Variants in DNM3 observed in about 807,000 individuals in gnomAD.
The protein encoded by DNM3 is dynamin-3.
DNM3 carries 47 observed loss-of-function variants against 101.6 expected under a neutral mutation model. The ratio of observed to expected loss-of-function variants is 0.46; its 90% CI spans 0.37 to 0.59. The LOEUF (loss-of-function observed/expected upper bound fraction) is 0.59. Among genes scored for constraint, DNM3 ranks in the 20% least tolerant of loss-of-function variants. The pLI, the probability that DNM3 is intolerant of heterozygous loss-of-function variation, is 0.00. For missense variants in DNM3, 849 were observed against 1,085.7 expected (o/e 0.78, Z 3.06); for synonymous variants, 385 against 387.9 (o/e 0.99, Z 0.09).
At chr1:172,244,388 A>G (rs1239627170) in intron 14 of DNM3, among the ~76,000 whole-genome samples, 1 of 152,144 alleles carries the variant, frequency 6.6e-6, no homozygotes, top group Non-Finnish European at 1.5e-5. Context: ...TCTGCACAGC[A>G]AAAGAAACTA....
At chr1:172,344,141 G>A (rs2066823081) in intron 17 of DNM3, among the ~76,000 whole-genome samples, 1 of 152,108 alleles carries the variant, frequency 6.6e-6, no homozygotes, top group Non-Finnish European at 1.5e-5. Context: ...CAACAGCCCG[G>A]CCAGGCAAGA....
At position 172,409,814 on chromosome 1, in the gene DNM3, G is replaced by T. The variant is rs1484810969; in HGVS notation, c.*1973G>T. The T allele has an allele frequency of 1.0e-6, 1 of 985,476 alleles. No individual in the cohort carries two copies. The highest frequency in any genetic ancestry group is 1.1e-4 in the East Asian group (1 of 8,820). The allele number at this position is 985,476 out of a possible 1,614,324, so 61.0% of individuals were successfully genotyped here. On this transcript the variant is annotated 3_prime_UTR_variant, in exon 21 of 21. Transcript: ENST00000627582. Reference sequence around the variant, plus strand: ...GGCAGCTAACGGATTATATACTTCAGGGTTTGGCTTTGTGCTAAATGTGGT... The same window carrying T: ...GGCAGCTAACGGATTATATACTTCATGGTTTGGCTTTGTGCTAAATGTGGT...
At chr1:172,337,929 A>ATTTTATTTTATTTTATTTTATTTTATTT (rs2066519658) in intron 17 of DNM3, among the ~76,000 whole-genome samples, 2 of 66,982 alleles carry the variant, frequency 3.0e-5, no homozygotes, top group African/African-American at 4.5e-5. Flanking sequence ...TTATTTTATT[A>ATTTTATTTTATTTTATTTTATTTTATTT]TTTTGAGACA....
At chr1:172,298,215 C>T (rs1018867227) in intron 15 of DNM3, among the ~76,000 whole-genome samples, 3 of 152,128 alleles carry the variant, frequency 2.0e-5, no homozygotes, top group African/African-American at 7.2e-5. Context: ...CATTGATGGA[C>T]TGCTGTGATT....
rs1012321982 is a variant in DNM3 at position 172,220,975 on chromosome 1, A to G, written c.1660-32598A>G. On this transcript the variant is annotated intron_variant, in intron 14 of 20. Transcript: ENST00000627582. The stretch of plus-strand genomic sequence containing the variant: ...ACATTAGAAAGAACTAAGGTTTAGG[A>G]AGATTTGGGATTACGTGAGAGTTGC... 3.3e-5 allele frequency among the ~76,000 whole-genome samples: 5 copies of G among 152,136 alleles called. No homozygotes were observed. In the East Asian group the frequency reaches 5.8e-4, roughly 18 times the overall value.
At position 172,281,227 on chromosome 1, in the gene DNM3, TAC is replaced by T. The variant is rs1278177766; in HGVS notation, c.1770-27499_1770-27498del. Reference sequence around the variant, plus strand: ...GAGAAGGATATACTACTTAATGAAATACAGAGTGGATTGAAAGGAGGTAAGGT... The same window carrying T: ...GAGAAGGATATACTACTTAATGAAATAGAGTGGATTGAAAGGAGGTAAGGT... On this transcript the variant is annotated intron_variant, in intron 15 of 20. Transcript: ENST00000627582. Among the ~76,000 whole-genome samples the T allele has an allele frequency of 2.6e-4, 39 of 152,140 alleles. No homozygotes were observed. The East Asian group carries it at 6.6e-3, about 26-fold the overall frequency.
intron 4 of DNM3, among the ~76,000 whole-genome samples, chr1:172,000,569 A>G (rs1325875990): frequency 1.3e-5 from 2 of 152,094 alleles, no homozygotes; most frequent in Non-Finnish European, 2.9e-5. Context: ...CTTTCCATCC[A>G]CTGCTGGAAG....
At chr1:172,075,694 C>T (rs988251877) in intron 11 of DNM3, among the ~76,000 whole-genome samples, 1 of 152,124 alleles carries the variant, frequency 6.6e-6, no homozygotes, top group African/African-American at 2.4e-5. Flanking sequence ...GGTACCAGTA[C>T]CATGCTGTTG....
rs75512285 is a variant in DNM3, at chr1:172,312,194, T to C, written c.1881+3355T>C. Among the ~76,000 whole-genome samples the C allele has an allele frequency of 8.0e-3, 1,223 of 152,282 alleles. 15 individuals carry two copies. The highest frequency in any genetic ancestry group is 0.027 in the African/African-American group (1,133 of 41,556). ...TAACAGATGCCTCCGTCTGTGTAAA[T>C]TTTTAGAATGTCTAAGTAGTGTGAT... On this transcript the variant is annotated intron_variant, in intron 16 of 20. Transcript: ENST00000627582.
intron 1 of DNM3, among the ~76,000 whole-genome samples, chr1:171,863,201 A>G (rs2034363299): frequency 6.6e-6 from 1 of 152,146 alleles, no homozygotes; most frequent in Non-Finnish European, 1.5e-5. Flanking sequence ...GACAAAGTAC[A>G]GAAAAGCAGA....
At chr1:172,095,488 A>G (rs1347447860) in intron 13 of DNM3, among the ~76,000 whole-genome samples, 1 of 152,216 alleles carries the variant, frequency 6.6e-6, no homozygotes, top group Admixed American at 6.5e-5. Context: ...ACTTAGCAGA[A>G]ATAAACCATA....
chr1:172,317,741 T>TA (rs1471990486), intron 16 of DNM3, among the ~76,000 whole-genome samples: 2 of 152,314 alleles, frequency 1.3e-5, no homozygotes, highest in Admixed American at 1.3e-4. Flanking sequence ...ATTGTGGCAA[T>TA]AATCAATAGC....
intron 17 of DNM3, among the ~76,000 whole-genome samples, chr1:172,357,549 C>T (rs537970785): frequency 6.6e-6 from 1 of 151,880 alleles, no homozygotes; most frequent in African/African-American, 2.4e-5. Flanking sequence ...TTATTAGGGT[C>T]ATAAAAGATG....
At chr1:172,051,110 T>C (rs1558487047) in intron 10 of DNM3, among the ~76,000 whole-genome samples, 1 of 152,222 alleles carries the variant, frequency 6.6e-6, no homozygotes, top group Non-Finnish European at 1.5e-5. Flanking sequence ...TCCCCTGAGG[T>C]TACTATTTAC....
intron 14 of DNM3, among the ~76,000 whole-genome samples, chr1:172,209,186 C>T (rs1477886224): frequency 6.6e-6 from 1 of 151,952 alleles, no homozygotes; most frequent in Non-Finnish European, 1.5e-5. Flanking sequence ...TTTTGACATA[C>T]AATGAGACAC....
intron 1 of DNM3, among the ~76,000 whole-genome samples, chr1:171,898,274 A>G (rs2037990165): frequency 6.6e-6 from 1 of 152,024 alleles, no homozygotes; most frequent in African/African-American, 2.4e-5. Context: ...TCTTATTACC[A>G]TTTTCATTTT....
chr1:172,385,580 C>G (rs1482641704), intron 18 of DNM3, among the ~76,000 whole-genome samples: 1 of 152,128 alleles, frequency 6.6e-6, no homozygotes, highest in Non-Finnish European at 1.5e-5. Flanking sequence ...CACAATAAAC[C>G]TTTGATTTAG....
At chr1:171,895,243 A>T (rs2037676515) in intron 1 of DNM3, among the ~76,000 whole-genome samples, 1 of 152,112 alleles carries the variant, frequency 6.6e-6, no homozygotes, top group Non-Finnish European at 1.5e-5. Context: ...ACTAATGTAC[A>T]CTCCCACCAA....
chr1:172,347,970 C>A (rs1438747483), intron 17 of DNM3, among the ~76,000 whole-genome samples: 1 of 151,922 alleles, frequency 6.6e-6, no homozygotes, highest in African/African-American at 2.4e-5. Flanking sequence ...ATAATATATT[C>A]TTTTTTATGA....
Sources: gnomAD v4.1 joint callset for allele counts (sites outside exome capture counted in the v4.1 genomes callset) on GRCh38, gnomAD v4.1.1 for gene constraint, MANE v1.5 for transcripts, NCBI Gene and HGNC (gene_info 2026-07-23, HGNC 2026-07-21) for gene names.